GRID1: variants seen among roughly 807,000 people sequenced by gnomAD.
GRID1 encodes glutamate ionotropic receptor delta type subunit 1.
GRID1 carries 28 observed loss-of-function variants against 98.0 expected under a neutral mutation model. That is an observed-to-expected ratio of 0.29 (90% confidence interval 0.21 to 0.39). GRID1 has a LOEUF of 0.39. GRID1 is among the 10% of genes least tolerant of loss of function. The pLI is 1.00. For missense variants in GRID1, 1,111 were observed against 1,340.5 expected, an observed-to-expected ratio of 0.83 and a Z score of 2.67; for synonymous variants, 553 against 538.5, an observed-to-expected ratio of 1.03 and a Z score of -0.37.
chr10:86,255,794 G>A (rs1326779112), intron 2 of GRID1, among the ~76,000 whole-genome samples: 1 of 152,150 alleles, frequency 6.6e-6, no homozygotes, highest in Non-Finnish European at 1.5e-5. Flanking sequence ...GAGTCGGCAG[G>A]TGGACAGACC....
chr10:86,210,898 C>A (rs2132022817), intron 2 of GRID1, among the ~76,000 whole-genome samples: 1 of 152,348 alleles, frequency 6.6e-6, no homozygotes, highest in South Asian at 2.1e-4. Flanking sequence ...GGATGTTACA[C>A]AATGCATGCC....
At chr10:85,887,829 G>A (rs957108564) in intron 5 of GRID1, among the ~76,000 whole-genome samples, 1 of 152,140 alleles carries the variant, frequency 6.6e-6, no homozygotes, top group Non-Finnish European at 1.5e-5. Context: ...AAGTTTTGCA[G>A]TGAGTCCTCC....
chr10:86,116,622 G>T (rs1415075183), intron 4 of GRID1, among the ~76,000 whole-genome samples: 1 of 152,172 alleles, frequency 6.6e-6, no homozygotes. Flanking sequence ...GTGAGCCCTA[G>T]ATCTGACACA....
chr10:86,075,822 G>A (rs1843873245), intron 4 of GRID1, among the ~76,000 whole-genome samples: 1 of 152,196 alleles, frequency 6.6e-6, no homozygotes, highest in African/African-American at 2.4e-5. Flanking sequence ...AGGAATGTAA[G>A]GAAACTTCAG....
chr10:86,036,174 G>C (rs1250841880), intron 4 of GRID1, among the ~76,000 whole-genome samples: 3 of 152,210 alleles, frequency 2.0e-5, no homozygotes, highest in Non-Finnish European at 4.4e-5. Context: ...GCTAAGCCCT[G>C]GGCAGACTGG....
In GRID1 at chr10:85,675,019, C is replaced by T. The variant is rs900124467; in HGVS notation, c.1998-27622G>A. ...GTTCAGTGCACTATCAATAGCTTCA[C>T]AGCTGTTTTGGAGAAGATAAGAGAC... On this transcript the variant is annotated intron_variant, in intron 12 of 15. Coordinates refer to ENST00000327946, the MANE Select transcript of GRID1 (RefSeq NM_017551.3). Among the ~76,000 whole-genome samples the T allele has an allele frequency of 2.7e-4, 41 of 152,138 alleles. 1 individual carries two copies. Among genetic ancestry groups the T allele is most frequent in the African/African-American group, 8.0e-4 (33 of 41,426 alleles).
At chr10:86,064,489 C>T (rs1038627774) in intron 4 of GRID1, among the ~76,000 whole-genome samples, 2 of 152,224 alleles carry the variant, frequency 1.3e-5, no homozygotes, top group African/African-American at 4.8e-5. Flanking sequence ...CCGCATGGCT[C>T]CCTGAGGGCA....
chr10:85,908,208 G>A lies in GRID1; in HGVS notation c.780+7978C>T, dbSNP rs187197587. ...ATCAGGCAGAAAAAAGAAATACAAGGTATCCAGATGGAAAGGAAGAGGTAA... is the reference window on the plus strand; with the variant it reads ...ATCAGGCAGAAAAAAGAAATACAAGATATCCAGATGGAAAGGAAGAGGTAA... On this transcript the variant is annotated intron_variant, in intron 5 of 15. Transcript: ENST00000327946. 4.6e-5 allele frequency among the ~76,000 whole-genome samples: 7 copies of A among 152,218 alleles called. No homozygotes were observed. In the East Asian group the frequency reaches 1.2e-3, roughly 25 times the overall value.
intron 2 of GRID1, among the ~76,000 whole-genome samples, chr10:86,230,324 G>A (rs1846431078): frequency 6.6e-6 from 1 of 151,900 alleles, no homozygotes; most frequent in South Asian, 2.1e-4. Flanking sequence ...TCACACAGTT[G>A]CCTGGGGGAG....
chr10:86,041,808 C>T (rs12773633), intron 4 of GRID1, among the ~76,000 whole-genome samples: 13,301 of 152,184 alleles, frequency 0.087, 631 homozygotes, highest in Non-Finnish European at 0.11. Flanking sequence ...AAAGGAGGAG[C>T]GTGAGTGTAG....
At chr10:86,297,259 T>C (rs1007351703) in intron 2 of GRID1, among the ~76,000 whole-genome samples, 7 of 152,144 alleles carry the variant, frequency 4.6e-5, no homozygotes, top group South Asian at 2.1e-4. Context: ...AACAAAGTAC[T>C]GTAGAACTTG....
chr10:85,784,695 A>C (rs1842410133), intron 8 of GRID1, among the ~76,000 whole-genome samples: 1 of 152,182 alleles, frequency 6.6e-6, no homozygotes, highest in Non-Finnish European at 1.5e-5. Flanking sequence ...AGCCCATCTT[A>C]AGCTGATGGA....
intron 4 of GRID1, among the ~76,000 whole-genome samples, chr10:86,054,360 G>A (rs1016502596): frequency 1.3e-5 from 2 of 152,140 alleles, no homozygotes; most frequent in Non-Finnish European, 1.5e-5. Flanking sequence ...CAGCTGATGC[G>A]GTTGGTCTTT....
chr10:85,603,271 C>A lies in GRID1; in HGVS notation c.2602-570G>T, dbSNP rs565859371. Among the ~76,000 whole-genome samples the A allele has an allele frequency of 3.9e-5, 6 of 152,320 alleles. No individual in the cohort carries two copies. In the South Asian group the frequency reaches 6.2e-4, roughly 16 times the overall value. On this transcript the variant is annotated intron_variant, in intron 15 of 15. Transcript: ENST00000327946. ...GAGAAGCCCTGCCTCACCCAGTGAC[C>A]TGTGTCCTCCCTGTGCAATCTCTTC...
At chr10:85,684,268 T>C (rs900969127) in intron 12 of GRID1, among the ~76,000 whole-genome samples, 2 of 152,194 alleles carry the variant, frequency 1.3e-5, no homozygotes, top group Admixed American at 1.3e-4. Context: ...TGTATACCAC[T>C]ATCATAACTT....
At chr10:85,901,712 C>A (rs1443652890) in intron 5 of GRID1, among the ~76,000 whole-genome samples, 1 of 152,110 alleles carries the variant, frequency 6.6e-6, no homozygotes, top group Non-Finnish European at 1.5e-5. Context: ...AGAATCATAT[C>A]CATGGTGTGT....
chr10:86,157,579 C>T (rs1222533890), intron 3 of GRID1, among the ~76,000 whole-genome samples: 1 of 152,146 alleles, frequency 6.6e-6, no homozygotes, highest in Non-Finnish European at 1.5e-5. Flanking sequence ...CTTTTCTCTC[C>T]CTAAACACGT....
At chr10:85,650,604 T>C (rs1843255805) in intron 12 of GRID1, among the ~76,000 whole-genome samples, 1 of 152,064 alleles carries the variant, frequency 6.6e-6, no homozygotes, top group Non-Finnish European at 1.5e-5. Context: ...CAATATGAGA[T>C]ATATTAAAAT....
chr10:86,147,806 C>G (rs576087474), intron 3 of GRID1, among the ~76,000 whole-genome samples: 1 of 152,182 alleles, frequency 6.6e-6, no homozygotes, highest in Non-Finnish European at 1.5e-5. Flanking sequence ...CCCAGAACCC[C>G]GACCACATTT....
Sources: gnomAD v4.1 joint callset for allele counts (sites outside exome capture counted in the v4.1 genomes callset) on GRCh38, gnomAD v4.1.1 for gene constraint, MANE v1.5 for transcripts, NCBI Gene and HGNC (gene_info 2026-07-23, HGNC 2026-07-21) for gene names.